Variants in KCNIP4 observed in about 807,000 individuals in gnomAD.
The protein encoded by KCNIP4 is potassium voltage-gated channel interacting protein 4.
In KCNIP4, 12 loss-of-function variants were observed where a neutral mutation model predicts 34.0. That is an observed-to-expected ratio of 0.35 (90% CI 0.23 to 0.57). The LOEUF is 0.57. Among genes scored for constraint, KCNIP4 ranks in the 20% least tolerant of loss-of-function variants. The probability of loss-of-function intolerance (pLI) is 0.83; values close to 1 mark genes in which losing one functional copy is unlikely to be tolerated. For missense variants in KCNIP4, 238 were observed against 311.7 expected (o/e 0.76, Z 1.78); for synonymous variants, 124 against 102.2 (o/e 1.21, Z -1.29).
intron 1 of KCNIP4, among the ~76,000 whole-genome samples, chr4:21,203,263 C>G (rs1756619361): frequency 6.6e-6 from 1 of 152,092 alleles, no homozygotes; most frequent in Admixed American, 6.5e-5. Context: ...AACTGCACAG[C>G]AGGAAGAGAC....
intron 1 of KCNIP4, among the ~76,000 whole-genome samples, chr4:21,603,454 G>A (rs1743378271): frequency 6.6e-6 from 1 of 152,132 alleles, no homozygotes; most frequent in South Asian, 2.1e-4. Context: ...ATGCAAAGAA[G>A]AAAGTGCAAA....
intron 5 of KCNIP4, among the ~76,000 whole-genome samples, chr4:20,738,855 C>A (rs1410418230): frequency 6.6e-6 from 1 of 152,172 alleles, no homozygotes; most frequent in African/African-American, 2.4e-5. Flanking sequence ...GAAGCTGTGA[C>A]AGATGGTACC....
chr4:21,541,144 C>T (rs986756129), intron 1 of KCNIP4, among the ~76,000 whole-genome samples: 3 of 140,816 alleles, frequency 2.1e-5, no homozygotes, highest in Non-Finnish European at 3.0e-5. Context: ...GCACTCCAGC[C>T]TGAGCAACAG....
chr4:21,460,787 C>T (rs956798871), intron 1 of KCNIP4, among the ~76,000 whole-genome samples: 2 of 151,996 alleles, frequency 1.3e-5, no homozygotes, highest in African/African-American at 4.8e-5. Context: ...TATGCATCTC[C>T]TGGGGGAGGT....
intron 1 of KCNIP4, among the ~76,000 whole-genome samples, chr4:21,124,135 T>C (rs531939123): frequency 3.7e-4 from 56 of 152,318 alleles, no homozygotes; most frequent in Admixed American, 1.1e-3. Context: ...TATTTTTTGT[T>C]CTGGTTTAAC....
chr4:21,236,084 C>G (rs1180533912), intron 1 of KCNIP4, among the ~76,000 whole-genome samples: 1 of 151,972 alleles, frequency 6.6e-6, no homozygotes, highest in African/African-American at 2.4e-5. Context: ...CGCTTGAGTT[C>G]AGGAGTTGGA....
intron 1 of KCNIP4, among the ~76,000 whole-genome samples, chr4:21,725,849 G>A (rs1333651564): frequency 6.6e-6 from 1 of 152,036 alleles, no homozygotes; most frequent in African/African-American, 2.4e-5. Context: ...TTATAAAATT[G>A]ATTTAATAAT....
intron 1 of KCNIP4, chr4:20,983,738 TCTTAA>T: frequency 8.2e-7 from 1 of 1,221,164 alleles, no homozygotes; most frequent in Non-Finnish European, 1.2e-6. Flanking sequence ...TATTAAGGCT[TCTTAA>T]CTTCTGCAGC....
chr4:21,107,699 G>A (rs1198027928), intron 1 of KCNIP4, among the ~76,000 whole-genome samples: 3 of 151,494 alleles, frequency 2.0e-5, no homozygotes, highest in Non-Finnish European at 4.4e-5. Flanking sequence ...TAGCCTCGAC[G>A]GTCTTTACAA....
chr4:21,513,307 A>G (rs1734487347), intron 1 of KCNIP4, among the ~76,000 whole-genome samples: 1 of 152,180 alleles, frequency 6.6e-6, no homozygotes, highest in African/African-American at 2.4e-5. Context: ...TCGTTCAGGC[A>G]AATAACTTAA....
chr4:21,629,644 C>T (rs944600548), intron 1 of KCNIP4, among the ~76,000 whole-genome samples: 7 of 152,042 alleles, frequency 4.6e-5, no homozygotes, highest in African/African-American at 1.2e-4. Context: ...GTCACCATCA[C>T]GAAGCTAAGT....
chr4:21,759,522 T>C (rs981962352), intron 1 of KCNIP4, among the ~76,000 whole-genome samples: 3 of 152,186 alleles, frequency 2.0e-5, no homozygotes, highest in African/African-American at 7.2e-5. Flanking sequence ...AGAACAGTAA[T>C]CATGCTACTT....
At chr4:21,524,678 A>T (rs1191569387) in intron 1 of KCNIP4, among the ~76,000 whole-genome samples, 1 of 151,942 alleles carries the variant, frequency 6.6e-6, no homozygotes, top group East Asian at 1.9e-4. Context: ...TCCCTTCCAT[A>T]CCATCTAATC....
chr4:21,693,900 T>C (rs1711968156), intron 1 of KCNIP4, among the ~76,000 whole-genome samples: 1 of 152,192 alleles, frequency 6.6e-6, no homozygotes, highest in Non-Finnish European at 1.5e-5. Flanking sequence ...GACATGCCTA[T>C]AACTTTCAGA....
chr4:21,231,877 C>T (rs1758810898), intron 1 of KCNIP4, among the ~76,000 whole-genome samples: 1 of 152,128 alleles, frequency 6.6e-6, no homozygotes, highest in Non-Finnish European at 1.5e-5. Context: ...ACCTTGTGCA[C>T]AGATGCCTGA....
At chr4:21,306,417 C>T (rs1712472435) in intron 1 of KCNIP4, among the ~76,000 whole-genome samples, 1 of 152,126 alleles carries the variant, frequency 6.6e-6, no homozygotes, top group Non-Finnish European at 1.5e-5. Context: ...TGCTCTGTAG[C>T]CCAGGCTTGA....
At chr4:21,372,205 T>C (rs1197671934) in intron 1 of KCNIP4, among the ~76,000 whole-genome samples, 1 of 147,346 alleles carries the variant, frequency 6.8e-6, no homozygotes, top group East Asian at 2.0e-4. Flanking sequence ...AAATTATAAA[T>C]AGAGTCTTAT....
intron 1 of KCNIP4, among the ~76,000 whole-genome samples, chr4:21,038,287 TG>T (rs1199192779): frequency 1.2e-4 from 19 of 152,240 alleles, no homozygotes; most frequent in African/African-American, 3.9e-4. Flanking sequence ...AAATGCTTTC[TG>T]TAACTTCCAC....
chr4:20,759,173 ATAAAG>A (rs1205859106), intron 3 of KCNIP4, among the ~76,000 whole-genome samples: 2 of 152,226 alleles, frequency 1.3e-5, no homozygotes, highest in Non-Finnish European at 2.9e-5. Flanking sequence ...TATGTTTATT[ATAAAG>A]TAAAAGGAAA....
Sources: gnomAD v4.1 joint callset for allele counts (sites outside exome capture counted in the v4.1 genomes callset) on GRCh38, gnomAD v4.1.1 for gene constraint, MANE v1.5 for transcripts, NCBI Gene and HGNC (gene_info 2026-07-23, HGNC 2026-07-21) for gene names.